NRG1: variants seen among roughly 807,000 people sequenced by gnomAD.
NRG1 encodes the protein pro-neuregulin-1, membrane-bound isoform.
NRG1 carries 18 observed loss-of-function variants against 63.8 expected under a neutral mutation model. The ratio of observed to expected loss-of-function variants is 0.28; its 90% CI spans 0.19 to 0.42. The LOEUF is 0.42. NRG1 is among the 10% of genes least tolerant of loss of function. The pLI is 1.00. For synonymous variants in NRG1, 302 were observed against 301.3 expected, an observed-to-expected ratio of 1.00 and a Z score of -0.02; for missense variants, 762 against 814.7, an observed-to-expected ratio of 0.94 and a Z score of 0.79.
chr8:31,973,910 T>C (rs1278143231), intron 1 of NRG1, among the ~76,000 whole-genome samples: 1 of 152,180 alleles, frequency 6.6e-6, no homozygotes, highest in Admixed American at 6.5e-5. Flanking sequence ...GAGCTTTGAA[T>C]GAAATTCACT....
intron 5 of NRG1, among the ~76,000 whole-genome samples, chr8:32,620,844 A>C (rs1349121690): frequency 6.6e-6 from 1 of 152,012 alleles, no homozygotes; most frequent in Admixed American, 6.6e-5. Context: ...AACAAACAAA[A>C]AAAGAAAGAA....
chr8:31,760,274 C>A (rs1292946915), intron 1 of NRG1, among the ~76,000 whole-genome samples: 2 of 152,066 alleles, frequency 1.3e-5, no homozygotes, highest in Non-Finnish European at 2.9e-5. Flanking sequence ...ATATGGCTAG[C>A]CAGTTTTCCC....
rs34861396 is a variant in NRG1, at chr8:31,640,951, G to A, written c.37+1520G>A. 0.31 allele frequency among the ~76,000 whole-genome samples: 47,428 copies of A among 152,116 alleles called. 8,797 individuals carry two copies. Among genetic ancestry groups the A allele is most frequent in the East Asian group, 0.68 (3,466 of 5,122 alleles). On this transcript the variant is annotated intron_variant, in intron 1 of 10. Coordinates refer to the NRG1 transcript ENST00000519301. The surrounding 1 kb of genome is among the most constrained non-coding windows in gnomAD (Gnocchi z 6.3). ...TGCCACTGGAGAAAGCCCAAGTTTA[G>A]TCCTGGGTTGGGGCCTCCTGAAACT... is the stretch of plus-strand genomic sequence containing the variant.
At chr8:31,732,817 C>A (rs1814232001) in intron 1 of NRG1, among the ~76,000 whole-genome samples, 5 of 152,126 alleles carry the variant, frequency 3.3e-5, no homozygotes, top group Admixed American at 3.3e-4. Context: ...ATTGCTTGAA[C>A]CCAGGAGGCA....
At position 31,785,743 on chromosome 8, in the gene NRG1, A is replaced by G. The variant is rs540031406; in HGVS notation, c.37+146312A>G. On this transcript the variant is annotated intron_variant, in intron 1 of 10. Transcript: ENST00000519301. Reference sequence around the variant, plus strand: ...TTTTTTTCTTTAATCTAACTTAAACATGGAAGAAAATTCAGTTGTGTGTAG... The same window carrying G: ...TTTTTTTCTTTAATCTAACTTAAACGTGGAAGAAAATTCAGTTGTGTGTAG... Among the ~76,000 whole-genome samples, 7 of 152,334 alleles carry G rather than the reference A, an allele frequency of 4.6e-5. No homozygotes were observed. In the East Asian group the frequency reaches 5.8e-4, roughly 13 times the overall value.
At chr8:31,832,440 G>T (rs937618844) in intron 1 of NRG1, among the ~76,000 whole-genome samples, 1 of 151,936 alleles carries the variant, frequency 6.6e-6, no homozygotes, top group Non-Finnish European at 1.5e-5. Flanking sequence ...TTCATAATTT[G>T]TAGAGACAGA....
intron 1 of NRG1, among the ~76,000 whole-genome samples, chr8:32,364,043 A>G (rs1300778979): frequency 2.0e-5 from 3 of 147,844 alleles, no homozygotes; most frequent in Non-Finnish European, 3.0e-5. Context: ...CCAATAACAC[A>G]CTATTAACAC....
chr8:31,897,766 G>A (rs575876276), intron 1 of NRG1, among the ~76,000 whole-genome samples: 1 of 151,958 alleles, frequency 6.6e-6, no homozygotes, highest in East Asian at 1.9e-4. Flanking sequence ...TGTAATCCCA[G>A]CACTTTGGGA....
chr8:32,613,414 C>T (rs540051395), intron 3 of NRG1, among the ~76,000 whole-genome samples: 3 of 152,054 alleles, frequency 2.0e-5, no homozygotes, highest in South Asian at 4.1e-4. Context: ...GAAATATTGG[C>T]GCTTAAATTG....
intron 1 of NRG1, among the ~76,000 whole-genome samples, chr8:32,028,075 T>G (rs1817734733): frequency 6.6e-6 from 1 of 152,200 alleles, no homozygotes; most frequent in African/African-American, 2.4e-5. Flanking sequence ...GAGTTTATAG[T>G]TTGTCTAACA....
At chr8:31,918,197 C>G (rs1360928866) in intron 1 of NRG1, among the ~76,000 whole-genome samples, 1 of 152,022 alleles carries the variant, frequency 6.6e-6, no homozygotes, top group Non-Finnish European at 1.5e-5. Flanking sequence ...CCTTTATTTC[C>G]TCTCCTGCCT....
intron 1 of NRG1, among the ~76,000 whole-genome samples, chr8:31,644,257 T>C (rs541317506): frequency 1.3e-5 from 2 of 152,316 alleles, no homozygotes; most frequent in South Asian, 4.1e-4. Context: ...ACTGCTCTTT[T>C]TAAACTTTAT....
At chr8:31,692,289 G>A (rs1728023968) in intron 1 of NRG1, among the ~76,000 whole-genome samples, 2 of 152,104 alleles carry the variant, frequency 1.3e-5, no homozygotes, top group South Asian at 4.1e-4. Context: ...CATTGAAAAA[G>A]CATGATTTTG....
At chr8:32,561,945 G>A (rs1028126435) in intron 1 of NRG1, among the ~76,000 whole-genome samples, 1 of 152,038 alleles carries the variant, frequency 6.6e-6, no homozygotes, top group African/African-American at 2.4e-5. Context: ...GTGGGATTTG[G>A]CATCCTAAAA....
chr8:31,934,768 C>T (rs1835163454), intron 1 of NRG1, among the ~76,000 whole-genome samples: 1 of 152,060 alleles, frequency 6.6e-6, no homozygotes, highest in Non-Finnish European at 1.5e-5. Flanking sequence ...TATCTACCTA[C>T]CTATCTATTT....
At chr8:32,743,208 A>C in intron 7 of NRG1, 2 of 986,086 alleles carry the variant, frequency 2.0e-6, no homozygotes, top group Non-Finnish European at 2.4e-6. Flanking sequence ...TTTGTCACAA[A>C]TAAACATAAT....
Position 32,277,084 on chromosome 8 carries a change from A to G in NRG1, c.38-318744A>G, listed in dbSNP as rs150869034. 4.5e-3 allele frequency among the ~76,000 whole-genome samples: 687 copies of G among 152,324 alleles called. 8 individuals carry two copies. Among genetic ancestry groups the G allele is most frequent in the African/African-American group, 0.016 (664 of 41,564 alleles). On this transcript the variant is annotated intron_variant, in intron 1 of 10. Transcript: ENST00000519301. ...TGCCTCATTCCTGAATTTAATTTCT[A>G]TCCATGATGCACATATTACTATTGC...
At chr8:32,524,699 T>C (rs908017331) in intron 1 of NRG1, among the ~76,000 whole-genome samples, 39 of 152,112 alleles carry the variant, frequency 2.6e-4, no homozygotes, top group African/African-American at 9.4e-4. Context: ...TCCTAAGTCA[T>C]GCGGATTTAA....
chr8:31,679,962 A>C (rs1808145395), intron 1 of NRG1, among the ~76,000 whole-genome samples: 1 of 152,118 alleles, frequency 6.6e-6, no homozygotes, highest in South Asian at 2.1e-4. Flanking sequence ...GTAGTATACA[A>C]AATATAAAGT....
Sources: gnomAD v4.1 joint callset for allele counts (sites outside exome capture counted in the v4.1 genomes callset) on GRCh38, gnomAD v4.1.1 for gene constraint, Gnocchi (gnomAD v3.1) non-coding constraint, MANE v1.5 for transcripts, NCBI Gene and HGNC (gene_info 2026-07-23, HGNC 2026-07-21) for gene names.